Variants in PUF60 observed in about 807,000 individuals in gnomAD.
PUF60 encodes poly(U) binding splicing factor 60, also known as poly(U)-binding-splicing factor PUF60.
A neutral mutation model predicts 61.8 loss-of-function variants in PUF60; 10 were observed. That is an observed-to-expected ratio of 0.16 (90% CI 0.10 to 0.27). The LOEUF (loss-of-function observed/expected upper bound fraction) is 0.27, where lower values mean the gene tolerates loss of function less well. Ranked by LOEUF, PUF60 falls within the 10% of genes least tolerant of loss-of-function variation. The pLI is 1.00. For synonymous variants in PUF60, 353 were observed against 300.9 expected (o/e 1.17, Z -1.79); for missense variants, 371 against 754.0 (o/e 0.49, Z 5.95).
intron 1 of PUF60, chr8:143,827,572 A>G (rs535829619): frequency 5.5e-5 from 22 of 402,828 alleles, no homozygotes; most frequent in South Asian, 2.7e-4. Flanking sequence ...GGCTCTCATC[A>G]CTGTGCCCAA....
chr8:143,818,105 C>G lies in PUF60; in HGVS notation c.604-30G>C. The G allele has an allele frequency of 1.2e-6, 2 of 1,607,164 alleles. No individual in the cohort carries two copies. The highest frequency in any genetic ancestry group is 1.7e-4 in the Middle Eastern group (1 of 6,052). ...GGAAGAGGCGGTGAGATGGAAAGACCGGTCAACCCAGGCCCGGCCACAAAA... is the reference window on the plus strand; with the variant it reads ...GGAAGAGGCGGTGAGATGGAAAGACGGGTCAACCCAGGCCCGGCCACAAAA... On this transcript the variant is annotated intron_variant, in intron 7 of 11. Coordinates refer to ENST00000526683, the MANE Select transcript of PUF60 (RefSeq NM_078480.3). This position sits in a 1 kb window ranked among gnomAD's most constrained non-coding sequence, Gnocchi z 7.9.
In PUF60 at chr8:143,816,354, G is replaced by C. The variant is rs2130193234; in HGVS notation, c.*166C>G. ...GACACACGCCCAGGATCGGTGACAG[G>C]ACCGACGGCAGACACACGGACGTTC... On this transcript the variant is annotated 3_prime_UTR_variant, in exon 12 of 12. Transcript: ENST00000526683. 1 of 756,842 alleles carries C rather than the reference G, an allele frequency of 1.3e-6. No homozygotes were observed. Among genetic ancestry groups the C allele is most frequent in the East Asian group, 2.7e-5 (1 of 37,054 alleles). 46.9% of individuals were successfully genotyped at this position (756,842 alleles called of 1,614,324 possible).
intron 5 of PUF60, 25 bp downstream of exon 5, chr8:143,820,641 G>A (rs374315629): frequency 1.1e-5 from 18 of 1,607,384 alleles, no homozygotes; most frequent in Admixed American, 5.0e-5. Flanking sequence ...CATGAGCCCC[G>A]GAAGAAGTGA....
Position 143,816,373 on chromosome 8 carries a change from G to C in PUF60, c.*147C>G, listed in dbSNP as rs1435867353. 1.1e-6 allele frequency: 1 copy of C among 885,222 alleles called. No homozygotes were observed. Among genetic ancestry groups the C allele is most frequent in the Non-Finnish European group, 1.7e-6 (1 of 596,048 alleles). 54.8% of individuals were successfully genotyped at this position (885,222 alleles called of 1,614,324 possible). ...TGACAGGACCGACGGCAGACACACG[G>C]ACGTTCAGGGCCAGCAGCATCCGCA... On this transcript the variant is annotated 3_prime_UTR_variant, in exon 12 of 12. Coordinates refer to ENST00000526683, the MANE Select transcript of PUF60 (RefSeq NM_078480.3).
In PUF60 at chr8:143,816,436, G is replaced by A. The variant is rs1326467041; in HGVS notation, c.*84C>T. The A allele has an allele frequency of 7.5e-6, 11 of 1,458,040 alleles. No homozygotes were observed. In the East Asian group the frequency reaches 9.3e-5, roughly 12 times the overall value. The allele number at this position is 1,458,040 out of a possible 1,614,324, so 90.3% of individuals were successfully genotyped here. A position where few individuals can be genotyped will look rare whatever the true frequency, so the allele number is the denominator to read the frequency against. ...CTGTAGGCTGGGCTGGGCAGAGCGC[G>A]CCTGGCCCCGGGGACACCACTGTAT... On this transcript the variant is annotated 3_prime_UTR_variant, in exon 12 of 12. Coordinates refer to ENST00000526683, the MANE Select transcript of PUF60 (RefSeq NM_078480.3).
At chr8:143,824,625 G>A (rs967645977) in intron 1 of PUF60, among the ~76,000 whole-genome samples, 11 of 152,260 alleles carry the variant, frequency 7.2e-5, no homozygotes, top group Non-Finnish European at 4.4e-5. Flanking sequence ...GGCCAGGGCT[G>A]CCAGCGAGTC....
intron 1 of PUF60, chr8:143,827,515 TC>T: frequency 2.2e-6 from 1 of 453,558 alleles, no homozygotes; most frequent in Non-Finnish European, 4.4e-6. Flanking sequence ...GTTCAGCTGC[TC>T]CATTCAACCT....
In PUF60 at chr8:143,816,609, C is replaced by T. The variant is rs1178790203; in HGVS notation, c.1591G>A (p.Ala531Thr). ...CCAGCAAACCAGCGGCCATTGAGGG[C>T]CTGGATGGCCTTATGAGTCTCAGAG... The part of the protein sequence containing the change: ...IASETHKAIQ[A>T]LNGRWFAGRK... The change falls in exon 12 of 12, where the codon GCC becomes ACC. Residue 531 changes from alanine to threonine, a missense_variant. Ala to Thr is a moderately conservative substitution (Grantham distance 58). This residue lies in a region of PUF60 where 19 missense variants were observed against 16.9 expected (regional missense o/e 1.12). Transcript: ENST00000526683. 1 of 1,613,786 alleles carries T rather than the reference C, an allele frequency of 6.2e-7. No homozygotes were observed. The highest frequency in any genetic ancestry group is 8.5e-7 in the Non-Finnish European group (1 of 1,179,874).
chr8:143,828,689 G>C (rs1438268739), intron 1 of PUF60, among the ~76,000 whole-genome samples: 1 of 152,188 alleles, frequency 6.6e-6, no homozygotes, highest in Non-Finnish European at 1.5e-5. Flanking sequence ...TGGGGACAAT[G>C]CGATTTCTCA....
intron 1 of PUF60, among the ~76,000 whole-genome samples, chr8:143,828,453 A>C (rs757343807): frequency 5.3e-5 from 8 of 152,236 alleles, no homozygotes; most frequent in Non-Finnish European, 1.0e-4. Flanking sequence ...TTCATCGTGC[A>C]TGTGTTGTGT....
In PUF60 at chr8:143,818,261, C is replaced by T; in HGVS notation, c.535G>A (p.Val179Ile). Residue 179 changes from valine (V) to isoleucine (I), a missense_variant, in exon 7 of 12, where the codon GTC becomes ATC. Val to Ile is a conservative substitution (Grantham distance 29). Transcript: ENST00000526683. The surrounding 1 kb of genome is among the most constrained non-coding windows in gnomAD (Gnocchi z 7.9). ...AAGGCCAGCTGTGCAGCTTCGGGGA[C>T]CTCATACTCCACGAAGGCAAAGCCC... is the stretch of plus-strand genomic sequence containing the variant. ...HKGFAFVEYE[V>I]PEAAQLALEQ... The T allele has an allele frequency of 6.2e-7, 1 of 1,610,214 alleles. No homozygotes were observed.
intron 2 of PUF60, chr8:143,822,503 CCT>C (rs1817137427): frequency 2.2e-6 from 1 of 456,668 alleles, no homozygotes; most frequent in Non-Finnish European, 4.4e-6. Context: ...AGAACACAGG[CCT>C]CTCTCGGGCC....
intron 2 of PUF60, among the ~76,000 whole-genome samples, chr8:143,822,198 G>A (rs1180575691): frequency 6.6e-6 from 1 of 152,192 alleles, no homozygotes; most frequent in African/African-American, 2.4e-5. Flanking sequence ...ACAGCTGGAG[G>A]CAGAAAAGGG....
At chr8:143,825,176 G>A (rs908457599) in intron 1 of PUF60, 1 of 152,328 alleles carries the variant, frequency 6.6e-6, no homozygotes, top group Non-Finnish European at 1.5e-5. Flanking sequence ...CGAGAAGCAA[G>A]GCAGCATGCA....
Position 143,818,678 on chromosome 8 carries a change from GC to G in PUF60, c.349-145del. 1.1e-6 allele frequency: 1 copy of G among 895,120 alleles called. No individual in the cohort carries two copies. The highest frequency in any genetic ancestry group is 1.6e-6 in the Non-Finnish European group (1 of 606,888). 55.4% of individuals were successfully genotyped at this position (895,120 alleles called of 1,614,324 possible). A position where few individuals can be genotyped will look rare whatever the true frequency, so the allele number is the denominator to read the frequency against. On this transcript the variant is annotated intron_variant, in intron 5 of 11. Transcript: ENST00000526683. The surrounding 1 kb of genome is among the most constrained non-coding windows in gnomAD (Gnocchi z 7.9). ...ACAGGGAGGTGCGGGCTCCATCCCT[GC>G]AGTCATAGTGTGGGGGTCGCAGGAC...
At chr8:143,821,746 C>T (rs908749556) in intron 3 of PUF60, 60 bp from the exon 4 acceptor site, 10 of 1,545,716 alleles carry the variant, frequency 6.5e-6, no homozygotes, top group African/African-American at 4.1e-5. Flanking sequence ...AGGCCTGCCC[C>T]GCACCCCGCC....
At chr8:143,827,369 C>T in intron 1 of PUF60, 1 of 456,200 alleles carries the variant, frequency 2.2e-6, no homozygotes, top group South Asian at 1.5e-5. Context: ...TGAAAAGATG[C>T]ATCCAGAAGA....
chr8:143,824,172 C>A (rs1817351692), intron 2 of PUF60, 141 bp downstream of exon 2: 2 of 820,034 alleles, frequency 2.4e-6, no homozygotes, highest in East Asian at 2.7e-5. Context: ...CAGTTGTCTG[C>A]CCAGAGGCAG....
intron 4 of PUF60, chr8:143,821,395 G>C: frequency 4.9e-6 from 3 of 608,812 alleles, no homozygotes; most frequent in South Asian, 3.9e-5. Flanking sequence ...CGCTTTAGGG[G>C]CTCCAGCGAG....
Sources: allele counts gnomAD v4.1 joint callset (sites outside exome capture counted in the v4.1 genomes callset), GRCh38; gene constraint gnomAD v4.1.1; regional missense constraint gnomAD v4.1.1; non-coding constraint Gnocchi (gnomAD v3.1); transcripts MANE v1.5; gene names NCBI Gene and HGNC (gene_info 2026-07-23, HGNC 2026-07-21).